FHAD1: variants seen among roughly 807,000 people sequenced by gnomAD.
FHAD1 encodes forkhead associated phosphopeptide binding domain 1, also known as forkhead-associated domain-containing protein 1.
FHAD1 carries 146 observed loss-of-function variants against 191.3 expected under a neutral mutation model. That is an observed-to-expected ratio of 0.76 (90% CI 0.67 to 0.88). FHAD1 has a LOEUF of 0.88. Among genes scored for constraint, FHAD1 ranks in the 40% least tolerant of loss-of-function variants. The probability of loss-of-function intolerance (pLI) is 0.00; values close to 1 mark genes in which losing one functional copy is unlikely to be tolerated. For missense variants in FHAD1, 1,635 were observed against 1,785.8 expected, an observed-to-expected ratio of 0.92 and a Z score of 1.52; for synonymous variants, 616 against 672.3, an observed-to-expected ratio of 0.92 and a Z score of 1.29.
chr1:15,350,584 G>T (rs1294295173), intron 19 of FHAD1, among the ~76,000 whole-genome samples: 1 of 152,066 alleles, frequency 6.6e-6, no homozygotes. Flanking sequence ...AGCTTGGTGG[G>T]CTAAAGGGTT....
intron 2 of FHAD1, among the ~76,000 whole-genome samples, chr1:15,261,329 G>A (rs1253079582): frequency 6.6e-6 from 1 of 152,174 alleles, no homozygotes; most frequent in Non-Finnish European, 1.5e-5. Context: ...CTGGGACCGT[G>A]CAGGGACAAG....
chr1:15,389,418 A>G (rs1006574701), intron 32 of FHAD1, among the ~76,000 whole-genome samples: 10 of 145,134 alleles, frequency 6.9e-5, no homozygotes, highest in Non-Finnish European at 1.0e-4. Flanking sequence ...GCTAAACTCT[A>G]GCCTGAGCAA....
At chr1:15,315,646 T>C (rs975054999) in intron 8 of FHAD1, among the ~76,000 whole-genome samples, 3 of 151,890 alleles carry the variant, frequency 2.0e-5, no homozygotes, top group Admixed American at 2.0e-4. Context: ...CCACCACACC[T>C]GGCTAATTTT....
At position 15,318,457 on chromosome 1, in the gene FHAD1, A is replaced by C. The variant is rs575771593; in HGVS notation, c.1365+529A>C. 6.6e-6 allele frequency among the ~76,000 whole-genome samples: 1 copy of C among 152,214 alleles called. No individual in the cohort carries two copies. Among genetic ancestry groups the C allele is most frequent in the African/African-American group, 2.4e-5 (1 of 41,526 alleles). On this transcript the variant is annotated intron_variant, in intron 10 of 33. Transcript: ENST00000688493. This position sits in a 1 kb window ranked among gnomAD's most constrained non-coding sequence, Gnocchi z 4.1. ...GAGACCAGCCTGGCCAATGTGGTGA[A>C]ACCCCGTCTCTACTAAAAATACAAA...
At chr1:15,351,201 T>C (rs890204425) in intron 19 of FHAD1, among the ~76,000 whole-genome samples, 1 of 151,796 alleles carries the variant, frequency 6.6e-6, no homozygotes, top group South Asian at 2.1e-4. Flanking sequence ...AAAAATTAGC[T>C]GGGCCTGGTG....
At chr1:15,292,515 A>G (rs1665197257) in intron 4 of FHAD1, among the ~76,000 whole-genome samples, 3 of 152,112 alleles carry the variant, frequency 2.0e-5, no homozygotes, top group African/African-American at 7.2e-5. Flanking sequence ...TTGTGTTTTT[A>G]GTAGAGACGA....
chr1:15,380,557 G>A lies in FHAD1; in HGVS notation c.3706-144G>A, dbSNP rs1700671100. The A allele has an allele frequency of 4.2e-5, 27 of 637,042 alleles. 1 individual carries two copies. The South Asian group carries it at 4.6e-4, about 11-fold the overall frequency. The allele number at this position is 637,042 out of a possible 1,614,324, so 39.5% of individuals were successfully genotyped here. A position where few individuals can be genotyped will look rare whatever the true frequency, so the allele number is the denominator to read the frequency against. On this transcript the variant is annotated intron_variant, in intron 28 of 33. Coordinates refer to ENST00000688493, the MANE Select transcript of FHAD1 (RefSeq NM_001391957.1). ...CAATTATAAGAAAGCAGTTGACAAA[G>A]GAATCAGACGGAATGATCAGGACGC...
At chr1:15,321,370 C>G (rs968071707) in intron 10 of FHAD1, among the ~76,000 whole-genome samples, 9 of 152,244 alleles carry the variant, frequency 5.9e-5, no homozygotes, top group African/African-American at 2.2e-4. Flanking sequence ...GAGTTTTTAA[C>G]TCTTACTATT....
chr1:15,280,191 C>T (rs1343878084), intron 3 of FHAD1, among the ~76,000 whole-genome samples: 1 of 152,014 alleles, frequency 6.6e-6, no homozygotes, highest in Non-Finnish European at 1.5e-5. Context: ...GTAACCAGGC[C>T]GAGTAACTGG....
intron 11 of FHAD1, chr1:15,324,985 A>T (rs1225931561): frequency 4.7e-6 from 1 of 213,358 alleles, no homozygotes; most frequent in Non-Finnish European, 9.6e-6. Context: ...TTAATAAGGT[A>T]AAACCCTGGA....
chr1:15,261,979 A>C (rs1651277478), intron 2 of FHAD1, among the ~76,000 whole-genome samples: 1 of 152,196 alleles, frequency 6.6e-6, no homozygotes, highest in Non-Finnish European at 1.5e-5. Context: ...ACTGCACTCC[A>C]GCCTGGGCAA....
intron 24 of FHAD1, among the ~76,000 whole-genome samples, chr1:15,366,410 C>A (rs1696480907): frequency 6.6e-6 from 1 of 152,074 alleles, no homozygotes; most frequent in South Asian, 2.1e-4. Context: ...GTCCCTGATT[C>A]CTACCCGCAC....
rs563780220 is a variant in FHAD1, at chr1:15,311,884, G to T, written c.1040-1173G>T. 6.6e-6 allele frequency among the ~76,000 whole-genome samples: 1 copy of T among 152,156 alleles called. No homozygotes were observed. Among genetic ancestry groups the T allele is most frequent in the Non-Finnish European group, 1.5e-5 (1 of 68,032 alleles). ...TTGGGAGTGACTTAGTCTGGCTCAG[G>T]GTCTCTCACGAGGTTGCAGGAGCTA... is the stretch of plus-strand genomic sequence containing the variant. On this transcript the variant is annotated intron_variant, in intron 7 of 33. Coordinates refer to ENST00000688493, the MANE Select transcript of FHAD1 (RefSeq NM_001391957.1). The surrounding 1 kb of genome is among the most constrained non-coding windows in gnomAD (Gnocchi z 4.1).
In FHAD1 at chr1:15,329,559, T is replaced by C; in HGVS notation, c.1906+18T>C. 6.5e-7 allele frequency: 1 copy of C among 1,548,204 alleles called. No individual in the cohort carries two copies. The highest frequency in any genetic ancestry group is 1.2e-5 in the South Asian group (1 of 83,990). On this transcript the variant is annotated intron_variant, in intron 14 of 33. Coordinates refer to ENST00000688493, the MANE Select transcript of FHAD1 (RefSeq NM_001391957.1). This position sits in a 1 kb window ranked among gnomAD's most constrained non-coding sequence, Gnocchi z 5.0. Reference sequence around the variant, plus strand: ...CAACAAAGGTTACTGGGACTTTTTTTCTCACATGGTTGCATGACTCTAAAA... The same window carrying C: ...CAACAAAGGTTACTGGGACTTTTTTCCTCACATGGTTGCATGACTCTAAAA...
At chr1:15,359,203 T>C (rs1290782614) in intron 21 of FHAD1, among the ~76,000 whole-genome samples, 3 of 151,954 alleles carry the variant, frequency 2.0e-5, no homozygotes, top group African/African-American at 7.3e-5. Flanking sequence ...AAGGCGAGGA[T>C]AGGGCATCAA....
At position 15,304,705 on chromosome 1, in the gene FHAD1, T is replaced by A. The variant is rs1669870628; in HGVS notation, c.915+3264T>A. Among the ~76,000 whole-genome samples the A allele has an allele frequency of 2.0e-5, 3 of 152,296 alleles. No homozygotes were observed. In the South Asian group the frequency reaches 6.2e-4, roughly 32 times the overall value. On this transcript the variant is annotated intron_variant, in intron 6 of 33. Transcript: ENST00000688493. ...GTGGAGACCTGCGCAAGTATGGCCT[T>A]GGAGAGGGTTGGGACATTGCAGCCC...
intron 7 of FHAD1, among the ~76,000 whole-genome samples, chr1:15,309,856 C>G (rs568885772): frequency 6.6e-6 from 1 of 151,998 alleles, no homozygotes; most frequent in Non-Finnish European, 1.5e-5. Context: ...CCCCTGGGAA[C>G]GGTATGCTGG....
At chr1:15,360,417 T>C in intron 21 of FHAD1, 61 bp from the exon 22 acceptor site, 1 of 1,433,278 alleles carries the variant, frequency 7.0e-7, no homozygotes, top group South Asian at 1.2e-5. Flanking sequence ...CCAGGGGGCA[T>C]ATTATTGTTG....
intron 6 of FHAD1, among the ~76,000 whole-genome samples, chr1:15,301,862 A>G (rs1668907501): frequency 6.6e-6 from 1 of 152,164 alleles, no homozygotes. Context: ...CCCTGTCTCT[A>G]TTAAAAATAC....
Sources: allele counts gnomAD v4.1 joint callset (sites outside exome capture counted in the v4.1 genomes callset), GRCh38; gene constraint gnomAD v4.1.1; non-coding constraint Gnocchi (gnomAD v3.1); transcripts MANE v1.5; gene names NCBI Gene and HGNC (gene_info 2026-07-23, HGNC 2026-07-21).